PIK3R1: variants seen among roughly 807,000 people sequenced by gnomAD.
PIK3R1 encodes the protein phosphoinositide-3-kinase regulatory subunit 1, also known as phosphatidylinositol 3-kinase regulatory subunit alpha.
PIK3R1 carries 29 observed loss-of-function variants against 98.0 expected under a neutral mutation model. The observed-to-expected ratio is 0.30, with a 90% confidence interval of 0.22 to 0.40. The LOEUF (loss-of-function observed/expected upper bound fraction) is 0.40. Among genes scored for constraint, PIK3R1 ranks in the 10% least tolerant of loss-of-function variants. PIK3R1 has a pLI of 1.00. For missense variants in PIK3R1, 596 were observed against 872.7 expected (o/e 0.68, Z 3.99); for synonymous variants, 282 against 311.8 (o/e 0.90, Z 1.01).
chr5:68,282,537 T>A (rs1262028396), intron 7 of PIK3R1, among the ~76,000 whole-genome samples: 3 of 152,184 alleles, frequency 2.0e-5, no homozygotes, highest in Non-Finnish European at 2.9e-5. Context: ...TTTTGGAGAA[T>A]TTCTACTACA....
At chr5:68,217,653 T>TGTGTGTGTGTGCGCGCGCGCGCGCGC (rs1386976488) in intron 1 of PIK3R1, 4 of 149,294 alleles carry the variant, frequency 2.7e-5, no homozygotes, top group Admixed American at 6.6e-5. Flanking sequence ...TGTGTGTGTG[T>TGTGTGTGTGTGCGCGCGCGCGCGCGC]GCGCGCGCGT....
At chr5:68,250,683 C>T (rs779760673) in intron 2 of PIK3R1, among the ~76,000 whole-genome samples, 27 of 152,236 alleles carry the variant, frequency 1.8e-4, no homozygotes, top group Admixed American at 1.6e-3. Context: ...TTCTGGATTT[C>T]GCACAGCCAG....
At chr5:68,274,047 A>G in intron 4 of PIK3R1, 34 bp downstream of exon 4, 2 of 1,522,186 alleles carry the variant, frequency 1.3e-6, no homozygotes, top group Non-Finnish European at 1.8e-6. Flanking sequence ...GCAAATGGGA[A>G]AGACAGGTCT....
chr5:68,230,393 T>TA (rs1561260346), intron 2 of PIK3R1, among the ~76,000 whole-genome samples: 1 of 152,224 alleles, frequency 6.6e-6, no homozygotes, highest in African/African-American at 2.4e-5. Flanking sequence ...AACATGCTGG[T>TA]AAACAGGTGC....
chr5:68,259,417 T>G (rs1420356932), intron 2 of PIK3R1, among the ~76,000 whole-genome samples: 20 of 152,216 alleles, frequency 1.3e-4, no homozygotes, highest in Non-Finnish European at 1.5e-5. Context: ...ACTCATTGAC[T>G]ATTTTGTGTA....
Position 68,279,722 on chromosome 5 carries a change from C to G in PIK3R1, c.623C>G (p.Ser208Cys). Residue 208 changes from serine (S) to cysteine (C), a missense_variant, in exon 5 of 16, where the codon TCT (serine) becomes TGT (cysteine). Coordinates refer to ENST00000521381, the MANE Select transcript of PIK3R1 (RefSeq NM_181523.3). ...IPAAVYSEMISLAPEVQSSEE... is the reference protein window; with the variant it reads ...IPAAVYSEMICLAPEVQSSEE... ...GCAGCCGTTTACAGTGAAATGATTT[C>G]TTTAGCTCCAGGTTTGTTTTTTCTC... is the stretch of plus-strand genomic sequence containing the variant. 1 of 1,614,090 alleles carries G rather than the reference C, an allele frequency of 6.2e-7. No individual in the cohort carries two copies.
rs553498184 is a variant in PIK3R1 at position 68,267,322 on chromosome 5, A to T, written c.335-6068A>T. Among the ~76,000 whole-genome samples, 59 of 152,334 alleles carry T rather than the reference A, an allele frequency of 3.9e-4. 2 individuals are homozygous for T. In the South Asian group the frequency reaches 0.011, roughly 29 times the overall value. ...AAGCTGTTAGGTCTGCTTAGGTTTA[A>T]TAAGATCTTTGCCTGCTGTTTGTTT... On this transcript the variant is annotated intron_variant, in intron 2 of 15. Coordinates refer to ENST00000521381, the MANE Select transcript of PIK3R1 (RefSeq NM_181523.3).
At position 68,226,397 on chromosome 5, in the gene PIK3R1, A is replaced by G. The variant is rs1345684002; in HGVS notation, c.-279A>G. ...CGCTGTGAGAGTCAGCCTGGATTCA[A>G]AGTGTTGACAAGTTGCTGAAAAGGA... is the stretch of plus-strand genomic sequence containing the variant. On this transcript the variant is annotated 5_prime_UTR_variant, in exon 2 of 16. Coordinates refer to ENST00000521381, the MANE Select transcript of PIK3R1 (RefSeq NM_181523.3). 1 of 475,712 alleles carries G rather than the reference A, an allele frequency of 2.1e-6. No individual in the cohort carries two copies. Among genetic ancestry groups the G allele is most frequent in the Non-Finnish European group, 3.7e-6 (1 of 270,648 alleles). 29.5% of individuals were successfully genotyped at this position (475,712 alleles called of 1,614,324 possible).
At chr5:68,252,119 T>C (rs1216670446) in intron 2 of PIK3R1, among the ~76,000 whole-genome samples, 6 of 152,120 alleles carry the variant, frequency 3.9e-5, no homozygotes, top group South Asian at 2.1e-4. Context: ...ATGAAAAAGG[T>C]TGGCCCCTTG....
chr5:68,216,586 C>T (rs981446612), intron 1 of PIK3R1, among the ~76,000 whole-genome samples: 34 of 152,198 alleles, frequency 2.2e-4, no homozygotes, highest in Non-Finnish European at 3.5e-4. Flanking sequence ...CGTTTATTGC[C>T]AGCCAAGCTT....
chr5:68,262,694 C>CATATAT lies in PIK3R1; in HGVS notation c.335-10695_335-10694insTATATA, dbSNP rs35946831. Among the ~76,000 whole-genome samples the CATATAT allele has an allele frequency of 9.2e-3, 211 of 22,890 alleles. 34 individuals carry two copies. The highest frequency in any genetic ancestry group is 0.028 in the African/African-American group (94 of 3,326). The allele number at this position is 22,890 out of a possible 152,430, so 15.0% of individuals were successfully genotyped here. On this transcript the variant is annotated intron_variant, in intron 2 of 15. Transcript: ENST00000521381. ...GTAGATACATGTATCTGCATGTATA[C>CATATAT]ACATGTAGATGCATGTAGATGCATG... is the stretch of plus-strand genomic sequence containing the variant.
rs780579580 is a variant in PIK3R1, at chr5:68,298,263, G to A, written c.*662G>A. The A allele has an allele frequency of 1.7e-5, 4 of 232,900 alleles. No homozygotes were observed. Among genetic ancestry groups the A allele is most frequent in the Non-Finnish European group, 3.4e-5 (4 of 117,684 alleles). The allele number at this position is 232,900 out of a possible 1,614,324, so 14.4% of individuals were successfully genotyped here. A position where few individuals can be genotyped will look rare whatever the true frequency, so the allele number is the denominator to read the frequency against. On this transcript the variant is annotated 3_prime_UTR_variant, in exon 16 of 16. Coordinates refer to ENST00000521381, the MANE Select transcript of PIK3R1 (RefSeq NM_181523.3). ...AACAAAAACCCAGCAACAGAAAAAT[G>A]GAGTTTGGAAAACAGGACTTAAAAT... is the stretch of plus-strand genomic sequence containing the variant.
At chr5:68,294,310 A>G (rs1453406577) in intron 11 of PIK3R1, among the ~76,000 whole-genome samples, 1 of 152,262 alleles carries the variant, frequency 6.6e-6, no homozygotes, top group Non-Finnish European at 1.5e-5. Context: ...AAACTACAAT[A>G]GCTTTTAAGA....
rs72757659 is a variant in PIK3R1, at chr5:68,237,913, C to T, written c.334+10904C>T. 4.8e-3 allele frequency among the ~76,000 whole-genome samples: 733 copies of T among 152,290 alleles called. 1 individual carries two copies. The highest frequency in any genetic ancestry group is 7.2e-3 in the Non-Finnish European group (489 of 68,020). On this transcript the variant is annotated intron_variant, in intron 2 of 15. Coordinates refer to ENST00000521381, the MANE Select transcript of PIK3R1 (RefSeq NM_181523.3). Reference sequence around the variant, plus strand: ...CCAGGGAACTGTCCTCAGGAATGCTCTTCCCCCCTCTTCCTTGTCCTCTCC... The same window carrying T: ...CCAGGGAACTGTCCTCAGGAATGCTTTTCCCCCCTCTTCCTTGTCCTCTCC...
chr5:68,275,002 G>A (rs6890176), intron 4 of PIK3R1, among the ~76,000 whole-genome samples: 31,173 of 152,184 alleles, frequency 0.2, 3,300 homozygotes, highest in South Asian at 0.22. Context: ...AGAATTTGAA[G>A]CATGAGGCAG....
chr5:68,234,859 T>G (rs577983539), intron 2 of PIK3R1, among the ~76,000 whole-genome samples: 1 of 152,276 alleles, frequency 6.6e-6, no homozygotes, highest in Admixed American at 6.5e-5. Flanking sequence ...TGTCTGGGGT[T>G]GTCACTGTCA....
intron 4 of PIK3R1, 120 bp from the exon 5 acceptor site, chr5:68,279,482 A>G: frequency 1.3e-6 from 1 of 746,170 alleles, no homozygotes; most frequent in South Asian, 1.9e-5. Flanking sequence ...ATTTATCCTC[A>G]TATTGCTTCC....
chr5:68,258,173 C>T (rs1745602243), intron 2 of PIK3R1, among the ~76,000 whole-genome samples: 1 of 152,182 alleles, frequency 6.6e-6, no homozygotes, highest in African/African-American at 2.4e-5. Context: ...GCACGAGGTG[C>T]TAAATTGCTT....
chr5:68,221,857 T>G (rs538826617), intron 1 of PIK3R1, among the ~76,000 whole-genome samples: 25 of 152,358 alleles, frequency 1.6e-4, no homozygotes, highest in African/African-American at 5.8e-4. Flanking sequence ...TGCTTCTGAT[T>G]AATGGGATTG....
Sources: allele counts gnomAD v4.1 joint callset (sites outside exome capture counted in the v4.1 genomes callset), GRCh38; gene constraint gnomAD v4.1.1; transcripts MANE v1.5; gene names NCBI Gene and HGNC (gene_info 2026-07-23, HGNC 2026-07-21).